MAP4K4: variants seen among roughly 807,000 people sequenced by gnomAD.
MAP4K4 encodes HPK/GCK-like kinase HGK.
Under a neutral mutation model 189.6 loss-of-function variants are expected in MAP4K4, and 38 were observed. The observed-to-expected ratio is 0.20, with a 90% confidence interval of 0.15 to 0.26. MAP4K4 has a LOEUF of 0.26. MAP4K4 is among the 10% of genes least tolerant of loss of function. The pLI, the probability that MAP4K4 is intolerant of heterozygous loss-of-function variation, is 1.00. For synonymous variants in MAP4K4, 610 were observed against 624.3 expected (o/e 0.98, Z 0.34); for missense variants, 1,054 against 1,726.9 (o/e 0.61, Z 6.91).
At chr2:101,713,423 T>A (rs2046697594) in intron 2 of MAP4K4, among the ~76,000 whole-genome samples, 1 of 150,684 alleles carries the variant, frequency 6.6e-6, no homozygotes, top group South Asian at 2.1e-4. Context: ...GTGAAACTCA[T>A]CTCTACTAAA....
chr2:101,882,316 C>T (rs1389104559), intron 27 of MAP4K4, among the ~76,000 whole-genome samples: 1 of 152,120 alleles, frequency 6.6e-6, no homozygotes, highest in East Asian at 1.9e-4. Flanking sequence ...GTGGCACGTC[C>T]AGTTTTTCTA....
intron 2 of MAP4K4, among the ~76,000 whole-genome samples, chr2:101,787,562 A>C (rs1019694152): frequency 6.6e-6 from 1 of 152,192 alleles, no homozygotes; most frequent in African/African-American, 2.4e-5. Flanking sequence ...GCGGAGAGTC[A>C]GTATATTCCC....
intron 27 of MAP4K4, among the ~76,000 whole-genome samples, chr2:101,877,970 T>G (rs544650735): frequency 4.6e-5 from 7 of 152,110 alleles, no homozygotes; most frequent in Non-Finnish European, 7.4e-5. Flanking sequence ...AGGATGGTCT[T>G]GATCTCCTGA....
At chr2:101,747,195 C>T (rs1462308992) in intron 2 of MAP4K4, among the ~76,000 whole-genome samples, 2 of 151,948 alleles carry the variant, frequency 1.3e-5, no homozygotes, top group South Asian at 2.1e-4. Flanking sequence ...TTTGGCTCAG[C>T]GCAACCTCCG....
intron 2 of MAP4K4, among the ~76,000 whole-genome samples, chr2:101,737,917 C>T (rs1384009538): frequency 1.3e-5 from 2 of 152,072 alleles, no homozygotes; most frequent in Non-Finnish European, 2.9e-5. Context: ...TGAGGAATGC[C>T]ATGAATTAAT....
At chr2:101,778,626 T>C (rs901797456) in intron 2 of MAP4K4, among the ~76,000 whole-genome samples, 2 of 152,040 alleles carry the variant, frequency 1.3e-5, no homozygotes, top group Admixed American at 1.3e-4. Flanking sequence ...TCGGAGAGGA[T>C]CTTCAGAAAA....
intron 2 of MAP4K4, among the ~76,000 whole-genome samples, chr2:101,721,627 G>A (rs2052134848): frequency 1.3e-5 from 2 of 152,088 alleles, no homozygotes; most frequent in South Asian, 4.2e-4. Flanking sequence ...GTAGAGACAG[G>A]GTTTCACCAT....
intron 2 of MAP4K4, among the ~76,000 whole-genome samples, chr2:101,790,178 GAAGTA>G (rs1285622682): frequency 6.6e-6 from 1 of 152,080 alleles, no homozygotes; most frequent in Non-Finnish European, 1.5e-5. Flanking sequence ...TAATTCTTGC[GAAGTA>G]AAGTAATGGG....
intron 2 of MAP4K4, among the ~76,000 whole-genome samples, chr2:101,707,642 A>G (rs887290694): frequency 6.6e-6 from 1 of 151,022 alleles, no homozygotes; most frequent in African/African-American, 2.4e-5. Context: ...CCTCTTGAAT[A>G]GCTGGGACTA....
intron 2 of MAP4K4, among the ~76,000 whole-genome samples, chr2:101,713,312 C>T (rs552431969): frequency 3.9e-5 from 6 of 152,110 alleles, no homozygotes; most frequent in Non-Finnish European, 7.4e-5. Flanking sequence ...TTTAATCCCT[C>T]TGCTGAGTGC....
At chr2:101,772,112 G>A (rs562605701) in intron 2 of MAP4K4, among the ~76,000 whole-genome samples, 1 of 152,334 alleles carries the variant, frequency 6.6e-6, no homozygotes, top group South Asian at 2.1e-4. Context: ...TGTGTTGAAA[G>A]GACATTGCCC....
At chr2:101,779,147 C>T (rs1046187025) in intron 2 of MAP4K4, among the ~76,000 whole-genome samples, 2 of 152,104 alleles carry the variant, frequency 1.3e-5, no homozygotes, top group Non-Finnish European at 1.5e-5. Context: ...ACAGTGAGTG[C>T]TTCTTTATCG....
At chr2:101,827,965 T>C (rs1424420886) in intron 5 of MAP4K4, among the ~76,000 whole-genome samples, 1 of 152,222 alleles carries the variant, frequency 6.6e-6, no homozygotes, top group Non-Finnish European at 1.5e-5. Flanking sequence ...AATTGTGGCC[T>C]AATTTCTGGT....
intron 2 of MAP4K4, among the ~76,000 whole-genome samples, chr2:101,733,086 A>T (rs1369524637): frequency 3.3e-5 from 5 of 152,210 alleles, no homozygotes; most frequent in Non-Finnish European, 1.5e-5. Context: ...GCAATGACCT[A>T]CCTGTGTTGT....
exon 33 of MAP4K4, chr2:101,891,452 A>C: frequency 1.9e-6 from 1 of 517,272 alleles, no homozygotes; most frequent in Admixed American, 3.2e-5. Context: ...TTCTTACTCC[A>C]AAATAAATCA....
intron 27 of MAP4K4, among the ~76,000 whole-genome samples, chr2:101,878,658 A>G (rs1330694277): frequency 6.6e-6 from 1 of 152,156 alleles, no homozygotes; most frequent in Non-Finnish European, 1.5e-5. Flanking sequence ...ATAGATCATA[A>G]TTTCCTAATA....
rs142322595 is a variant in MAP4K4 at position 101,872,375 on chromosome 2, G to T, written c.2952+690G>T. ...ATTTAAAATTTTGTGTGGGAAATCT[G>T]TGTGCTCCTTTGAAGGCTTGGTTGT... On this transcript the variant is annotated intron_variant, in intron 24 of 32. Coordinates refer to ENST00000324219, the Ensembl canonical transcript of MAP4K4. 1.7e-4 allele frequency among the ~76,000 whole-genome samples: 26 copies of T among 152,268 alleles called. No homozygotes were observed. In the East Asian group the frequency reaches 4.8e-3, roughly 28 times the overall value.
At chr2:101,850,190 T>C (rs1324400730) in intron 12 of MAP4K4, among the ~76,000 whole-genome samples, 4 of 152,208 alleles carry the variant, frequency 2.6e-5, no homozygotes, top group African/African-American at 9.6e-5. Context: ...CATTTATTTC[T>C]GTCATTCCTA....
At chr2:101,861,924 A>G (rs1351674442) in intron 16 of MAP4K4, 1 of 145,028 alleles carries the variant, frequency 6.9e-6, no homozygotes, top group Non-Finnish European at 1.5e-5. Context: ...GATCTGCAGC[A>G]TGGAGGAGTT....
Sources: allele counts gnomAD v4.1 joint callset (sites outside exome capture counted in the v4.1 genomes callset), GRCh38; gene constraint gnomAD v4.1.1; transcripts MANE v1.5; gene names NCBI Gene and HGNC (gene_info 2026-07-23, HGNC 2026-07-21).